FRMD4B: variants seen among roughly 807,000 people sequenced by gnomAD.
The protein encoded by FRMD4B is FERM domain-containing protein 4B.
In FRMD4B, 74 loss-of-function variants were observed where a neutral mutation model predicts 141.5. That is an observed-to-expected ratio of 0.52 (90% CI 0.43 to 0.63). The LOEUF is 0.63. Among genes scored for constraint, FRMD4B ranks in the 30% least tolerant of loss-of-function variants. The pLI, the probability that FRMD4B is intolerant of heterozygous loss-of-function variation, is 0.00. For missense variants in FRMD4B, 1,366 were observed against 1,253.4 expected (o/e 1.09, Z -1.36); for synonymous variants, 506 against 467.9 (o/e 1.08, Z -1.05).
chr3:69,539,308 T>G (rs1701130371), intron 1 of FRMD4B, among the ~76,000 whole-genome samples: 1 of 152,188 alleles, frequency 6.6e-6, no homozygotes, highest in South Asian at 2.1e-4. Flanking sequence ...AACGGAGAAC[T>G]AGGATTCTCA....
At chr3:69,287,890 T>C (rs1236934580) in intron 4 of FRMD4B, 54 bp from the exon 5 acceptor site, 2 of 799,018 alleles carry the variant, frequency 2.5e-6, no homozygotes, top group African/African-American at 1.7e-5. Flanking sequence ...CCTCTCAGCA[T>C]TCCTCATTCA....
chr3:69,388,543 A>C (rs1215223806), upstream of FRMD4B, among the ~76,000 whole-genome samples: 6 of 152,150 alleles, frequency 3.9e-5, no homozygotes, highest in African/African-American at 1.4e-4. Context: ...TATGGTGATT[A>C]GGAGCTAAAT....
chr3:69,400,698 C>A (rs1159983955), intron 2 of FRMD4B, among the ~76,000 whole-genome samples: 1 of 152,188 alleles, frequency 6.6e-6, no homozygotes, highest in African/African-American at 2.4e-5. Flanking sequence ...TAATGACTTA[C>A]CTTACTCTTA....
intron 1 of FRMD4B, among the ~76,000 whole-genome samples, chr3:69,481,535 C>T (rs1330191953): frequency 6.6e-6 from 1 of 152,074 alleles, no homozygotes. Context: ...TTTCACGTAA[C>T]AGTTAGGCAG....
chr3:69,351,438 A>G (rs1447283066), intron 1 of FRMD4B, among the ~76,000 whole-genome samples: 2 of 152,178 alleles, frequency 1.3e-5, no homozygotes, highest in African/African-American at 2.4e-5. Context: ...GTGTTTTAGT[A>G]TGGTTTTACC....
At chr3:69,248,915 T>C (rs566524997) in intron 7 of FRMD4B, among the ~76,000 whole-genome samples, 1 of 152,262 alleles carries the variant, frequency 6.6e-6, no homozygotes, top group Non-Finnish European at 1.5e-5. Context: ...GGTTTTTTTT[T>C]ATCAGCATAA....
At chr3:69,514,056 C>A (rs1706731443) in intron 1 of FRMD4B, among the ~76,000 whole-genome samples, 1 of 151,954 alleles carries the variant, frequency 6.6e-6, no homozygotes, top group Non-Finnish European at 1.5e-5. Context: ...CAAGCCAGAG[C>A]AATTAGGCAA....
At chr3:69,500,024 T>C (rs959471738) in intron 1 of FRMD4B, among the ~76,000 whole-genome samples, 1 of 152,224 alleles carries the variant, frequency 6.6e-6, no homozygotes, top group African/African-American at 2.4e-5. Flanking sequence ...ATCTGGACCG[T>C]GGTCAAGGAC....
At chr3:69,196,492 G>A in intron 13 of FRMD4B, 96 bp from the exon 14 acceptor site, 1 of 961,172 alleles carries the variant, frequency 1.0e-6, no homozygotes. Context: ...GCAACACAGA[G>A]GATAATTTAG....
chr3:69,466,318 A>T (rs1310308530), intron 1 of FRMD4B, among the ~76,000 whole-genome samples: 3 of 151,170 alleles, frequency 2.0e-5, no homozygotes, highest in Admixed American at 6.6e-5. Context: ...TAGATTGCAA[A>T]TTTTTTTTTC....
chr3:69,417,549 A>G (rs1437774141), intron 2 of FRMD4B, among the ~76,000 whole-genome samples: 5 of 152,096 alleles, frequency 3.3e-5, no homozygotes, highest in Admixed American at 3.3e-4. Flanking sequence ...CTTTAGTTTA[A>G]TTAGATCCCG....
At chr3:69,296,408 G>C (rs539600152) in intron 4 of FRMD4B, among the ~76,000 whole-genome samples, 2 of 151,980 alleles carry the variant, frequency 1.3e-5, no homozygotes, top group Non-Finnish European at 1.5e-5. Flanking sequence ...TGAGGATTCC[G>C]TGTCTTTCTT....
intron 2 of FRMD4B, among the ~76,000 whole-genome samples, chr3:69,418,634 C>A (rs951304825): frequency 1.3e-5 from 2 of 152,142 alleles, no homozygotes; most frequent in African/African-American, 4.8e-5. Flanking sequence ...CAGGTGGCTT[C>A]CAGAAGCTGG....
chr3:69,296,963 T>A (rs796281310), intron 4 of FRMD4B, among the ~76,000 whole-genome samples: 7 of 152,308 alleles, frequency 4.6e-5, no homozygotes, highest in African/African-American at 1.7e-4. Context: ...TTAGTTTCCA[T>A]CTGTACAGAC....
At chr3:69,281,515 G>T in intron 5 of FRMD4B, among the ~76,000 whole-genome samples, 1 of 152,032 alleles carries the variant, frequency 6.6e-6, no homozygotes, top group East Asian at 1.9e-4. Context: ...TGCCCAATGT[G>T]TGCCACATTT....
At chr3:69,455,780 T>C (rs1194245117) in intron 1 of FRMD4B, among the ~76,000 whole-genome samples, 3 of 152,204 alleles carry the variant, frequency 2.0e-5, no homozygotes, top group African/African-American at 4.8e-5. Context: ...AATTTTTTAA[T>C]GTCTTTAACT....
At chr3:69,507,397 G>A (rs1306192323) in intron 1 of FRMD4B, among the ~76,000 whole-genome samples, 1 of 152,120 alleles carries the variant, frequency 6.6e-6, no homozygotes, top group African/African-American at 2.4e-5. Flanking sequence ...TTGTGTGTGT[G>A]TGTGTGTTTC....
At chr3:69,410,601 T>C (rs1559519688) in intron 2 of FRMD4B, among the ~76,000 whole-genome samples, 1 of 151,230 alleles carries the variant, frequency 6.6e-6, no homozygotes, top group East Asian at 1.9e-4. Flanking sequence ...GAAACGGCCA[T>C]TGAGAGGAAG....
rs1354922533 is a variant in FRMD4B, at chr3:69,189,965, A to G, written c.1715-13T>C. ...GGGATTATGTCTTCTGTGAATAAAA[A>G]TAACTGCCTTTAGTACAATTGTGCA... is the stretch of plus-strand genomic sequence containing the variant. On this transcript the variant is annotated splice_polypyrimidine_tract_variant and intron_variant, in intron 17 of 22. Coordinates refer to ENST00000398540, the MANE Select transcript of FRMD4B (RefSeq NM_015123.3). 2.0e-6 allele frequency: 3 copies of G among 1,531,534 alleles called. No individual in the cohort carries two copies. Among genetic ancestry groups the G allele is most frequent in the Admixed American group, 1.7e-5 (1 of 59,794 alleles). The allele number at this position is 1,531,534 out of a possible 1,614,324, so 94.9% of individuals were successfully genotyped here. A position where few individuals can be genotyped will look rare whatever the true frequency, so the allele number is the denominator to read the frequency against.
Sources: allele counts gnomAD v4.1 joint callset (sites outside exome capture counted in the v4.1 genomes callset), GRCh38; gene constraint gnomAD v4.1.1; transcripts MANE v1.5; gene names NCBI Gene and HGNC (gene_info 2026-07-23, HGNC 2026-07-21).